The following PRSS56 variants were observed in gnomAD, a reference collection of about 807,000 sequenced individuals.
The protein encoded by PRSS56 is protease, serine 56.
Under a neutral mutation model 66.8 loss-of-function variants are expected in PRSS56, and 55 were observed. That is an observed-to-expected ratio of 0.82 (90% CI 0.66 to 1.03). The LOEUF (loss-of-function observed/expected upper bound fraction) is 1.03, where lower values mean the gene tolerates loss of function less well. Ranked by LOEUF, PRSS56 falls within the 50% of genes least tolerant of loss-of-function variation. PRSS56 has a pLI of 0.00. For synonymous variants in PRSS56, 409 were observed against 387.9 expected (o/e 1.05, Z -0.64); for missense variants, 869 against 837.2 (o/e 1.04, Z -0.47).
chr2:232,524,111 G>A lies in PRSS56; in HGVS notation c.1259G>A (p.Gly420Glu). Residue 420 changes from glycine (G) to glutamate (E), a missense_variant, in exon 10 of 13, where the codon GGA (glycine) becomes GAA (glutamate). Physicochemically the swap from Gly to Glu is moderately conservative, Grantham distance 98. Coordinates refer to ENST00000617714, the MANE Select transcript of PRSS56 (RefSeq NM_001195129.2). ...CAGGAGCTGCTCGGGCCTCGTCCGG[G>A]ACTGCGGCGCCTGGCCCCCGCCCTG... is the stretch of plus-strand genomic sequence containing the variant. Reference protein sequence around the residue: ...NAQELLGPRPGLRRLAPALAL... With the variant: ...NAQELLGPRPELRRLAPALAL... The A allele has an allele frequency of 3.3e-6, 5 of 1,515,554 alleles. No homozygotes were observed. Among genetic ancestry groups the A allele is most frequent in the Non-Finnish European group, 4.4e-6 (5 of 1,138,758 alleles). 93.9% of individuals were successfully genotyped at this position (1,515,554 alleles called of 1,614,324 possible).
At chr2:232,521,760 G>A (rs969747221) in intron 2 of PRSS56, 56 bp from the exon 3 acceptor site, 3 of 1,507,694 alleles carry the variant, frequency 2.0e-6, no homozygotes, top group Non-Finnish European at 1.8e-6. Context: ...GGCCCAGCCT[G>A]GGGTGAGGAC....
rs1360462999 is a variant in PRSS56, at chr2:232,521,875, GA to G, written c.256+13del. ...GGACCCACCTGAGCCAGGTGAGGTT[GA>G]AAAGGCTCGAGGGGGCAGGCCTGAG... On this transcript the variant is annotated intron_variant, in intron 3 of 12. Coordinates refer to ENST00000617714, the MANE Select transcript of PRSS56 (RefSeq NM_001195129.2). 6.5e-7 allele frequency: 1 copy of G among 1,535,290 alleles called. No homozygotes were observed. Among genetic ancestry groups the G allele is most frequent in the Non-Finnish European group, 8.7e-7 (1 of 1,146,366 alleles).
rs756602846 is a variant in PRSS56 at position 232,522,121 on chromosome 2, C to A, written c.407C>A (p.Ala136Glu). Reference protein sequence around the residue: ...GQPLCGGVLVAASWVLTAAHC... With the variant: ...GQPLCGGVLVEASWVLTAAHC... ...CCTCTGTGCGGCGGCGTCCTGGTAG[C>A]GGCCTCCTGGGTGCTCACGGCAGCG... Residue 136 changes from alanine (A) to glutamate (E), a missense_variant, in exon 4 of 13, where the codon GCG becomes GAG. Ala to Glu is a moderately radical substitution (Grantham distance 107, BLOSUM62 -1). Around this residue, in one of 3 missense-constraint regions of PRSS56, gnomAD observed 315 missense variants for 313.7 expected, o/e 1.00. Transcript: ENST00000617714. The A allele has an allele frequency of 7.2e-6, 11 of 1,517,612 alleles. No individual in the cohort carries two copies. The South Asian group carries it at 7.3e-5, about 10-fold the overall frequency. 94.0% of individuals were successfully genotyped at this position (1,517,612 alleles called of 1,614,324 possible). A position where few individuals can be genotyped will look rare whatever the true frequency, so the allele number is the denominator to read the frequency against.
intron 8 of PRSS56, 43 bp from the exon 9 acceptor site, chr2:232,523,729 C>A (rs1330186620): frequency 1.3e-6 from 2 of 1,533,250 alleles, no homozygotes; most frequent in Admixed American, 2.0e-5. Flanking sequence ...GGGGCTAGGG[C>A]CCCAAACAGA....
In PRSS56 at chr2:232,522,613, A is replaced by G; in HGVS notation, c.545A>G (p.Lys182Arg). The G allele has an allele frequency of 6.5e-7, 1 of 1,534,672 alleles. No homozygotes were observed. The highest frequency in any genetic ancestry group is 8.7e-7 in the Non-Finnish European group (1 of 1,146,216). ...GTGAACCGCATCCTGCCCCACCCCA[A>G]GGTGAGAAGGCAGTCCCCAGGCCCC... ...VPVNRILPHP[K>R]FDPRTFHNDL... is the part of the protein sequence containing the mutation. The change falls in exon 5 of 13, where the codon AAG becomes AGG. Residue 182 changes from lysine (K) to arginine (R), a missense_variant and splice_region_variant. Physicochemically the swap from Lys to Arg is conservative, Grantham distance 26. This residue lies in a region of PRSS56 where 315 missense variants were observed against 313.7 expected (regional missense o/e 1.00). Coordinates refer to ENST00000617714, the MANE Select transcript of PRSS56 (RefSeq NM_001195129.2).
In PRSS56 at chr2:232,523,898, G is replaced by A. The variant is rs2106202203; in HGVS notation, c.1139G>A (p.Cys380Tyr). ...ARLCPGSQGA[C>Y]ARLAHQQCLQ... Reference sequence around the variant, plus strand: ...CTGTGCCCGGGGTCCCAGGGCGCCTGTGCGCGCCTGGCGCACCAGCAGTGC... The same window carrying A: ...CTGTGCCCGGGGTCCCAGGGCGCCTATGCGCGCCTGGCGCACCAGCAGTGC... The change falls in exon 9 of 13, where the codon TGT (cysteine) becomes TAT (tyrosine). Residue 380 changes from cysteine to tyrosine, a missense_variant. By Grantham distance (194) the Cys-to-Tyr change is radical. This residue lies in a region of PRSS56 where 551 missense variants were observed against 506.9 expected (regional missense o/e 1.09). Coordinates refer to ENST00000617714, the MANE Select transcript of PRSS56 (RefSeq NM_001195129.2). 6.6e-7 allele frequency: 1 copy of A among 1,521,334 alleles called. No homozygotes were observed. Among genetic ancestry groups the A allele is most frequent in the South Asian group, 1.2e-5 (1 of 82,798 alleles). The allele number at this position is 1,521,334 out of a possible 1,614,324, so 94.2% of individuals were successfully genotyped here. A position where few individuals can be genotyped will look rare whatever the true frequency, so the allele number is the denominator to read the frequency against.
chr2:232,523,511 G>T lies in PRSS56; in HGVS notation c.945G>T (p.Glu315Asp). Residue 315 changes from glutamate to aspartate, a missense_variant, in exon 8 of 13, where the codon GAG becomes GAT. By Grantham distance (45) the Glu-to-Asp change is conservative. This residue lies in a region of PRSS56 where 551 missense variants were observed against 506.9 expected (regional missense o/e 1.09). Coordinates refer to ENST00000617714, the MANE Select transcript of PRSS56 (RefSeq NM_001195129.2). Reference protein sequence around the residue: ...GVTSWGDGCGEPGKPGVYTRV... With the variant: ...GVTSWGDGCGDPGKPGVYTRV... The stretch of plus-strand genomic sequence containing the variant: ...CCTCCTGGGGGGACGGCTGCGGGGA[G>T]CCAGGGAAGCCCGGGGTCTACACCC... 2 of 1,532,582 alleles carry T rather than the reference G, an allele frequency of 1.3e-6. No individual in the cohort carries two copies. Among genetic ancestry groups the T allele is most frequent in the Non-Finnish European group, 1.7e-6 (2 of 1,145,506 alleles). The allele number at this position is 1,532,582 out of a possible 1,614,324, so 94.9% of individuals were successfully genotyped here. A position where few individuals can be genotyped will look rare whatever the true frequency, so the allele number is the denominator to read the frequency against.
At chr2:232,520,741 G>A (rs1371917354) in intron 1 of PRSS56, 46 bp downstream of exon 1, 11 of 1,313,918 alleles carry the variant, frequency 8.4e-6, no homozygotes, top group Non-Finnish European at 1.2e-5. Flanking sequence ...GAGGAATGTA[G>A]AGGAAGTGGG....
In PRSS56 at chr2:232,525,549, C is replaced by T. The variant is rs1691413644; in HGVS notation, c.*43C>T. 2 of 1,416,584 alleles carry T rather than the reference C, an allele frequency of 1.4e-6. No homozygotes were observed. The highest frequency in any genetic ancestry group is 1.8e-6 in the Non-Finnish European group (2 of 1,085,928). 87.8% of individuals were successfully genotyped at this position (1,416,584 alleles called of 1,614,324 possible). ...AGCCCCTGGGGAGGACCTACTGCTC[C>T]CAGGGGCTGAGAGGGGTTCGGGAGC... On this transcript the variant is annotated 3_prime_UTR_variant, in exon 13 of 13. Coordinates refer to ENST00000617714, the MANE Select transcript of PRSS56 (RefSeq NM_001195129.2).
At chr2:232,521,919 A>G in intron 3 of PRSS56, 52 bp from the exon 4 acceptor site, 7 of 1,526,208 alleles carry the variant, frequency 4.6e-6, no homozygotes, top group Non-Finnish European at 6.1e-6. Flanking sequence ...TGGGCCTCGA[A>G]GGCGAGGATG....
rs1461549408 is a variant in PRSS56, at chr2:232,521,412, A to G, written c.189A>G (p.Arg63=). The G allele has an allele frequency of 6.5e-7, 1 of 1,535,976 alleles. No homozygotes were observed. The highest frequency in any genetic ancestry group is 8.7e-7 in the Non-Finnish European group (1 of 1,146,872). ...GAGTGGCGATGGAGATCCAGCACAG[A>G]TCGCACGAGTGCCGAGGTGCCCACC... is the stretch of plus-strand genomic sequence containing the variant. ...INRVAMEIQH[R]SHECRGSGRP... The change falls in exon 2 of 13, where the codon AGA becomes AGG. Residue 63 remains arginine (R), a synonymous_variant. Coordinates refer to ENST00000617714, the MANE Select transcript of PRSS56 (RefSeq NM_001195129.2).
intron 8 of PRSS56, 74 bp downstream of exon 8, chr2:232,523,652 G>T: frequency 6.6e-7 from 1 of 1,504,852 alleles, no homozygotes; most frequent in Non-Finnish European, 8.9e-7. Context: ...GTTTCCACCC[G>T]GCCCATGCCC....
intron 11 of PRSS56, 96 bp from the exon 12 acceptor site, chr2:232,524,642 C>T (rs945581711): frequency 4.7e-6 from 4 of 859,802 alleles, no homozygotes; most frequent in Admixed American, 5.3e-5. Flanking sequence ...ATAAGTGTGT[C>T]CCCTGGGAGG....
At chr2:232,522,437 C>T in intron 4 of PRSS56, 78 bp from the exon 5 acceptor site, 1 of 1,256,984 alleles carries the variant, frequency 8.0e-7, no homozygotes, top group Non-Finnish European at 1.1e-6. Context: ...GGCATGCGGG[C>T]GGAGGGGCAG....
rs978649515 is a variant in PRSS56, at chr2:232,525,281, G to C, written c.1587G>C (p.Leu529Phe). The change falls in exon 13 of 13, where the codon TTG (leucine) becomes TTC (phenylalanine). Residue 529 changes from leucine (L) to phenylalanine (F), a missense_variant. By Grantham distance (22) the Leu-to-Phe change is conservative. This residue lies in a region of PRSS56 where 551 missense variants were observed against 506.9 expected (regional missense o/e 1.09). Coordinates refer to ENST00000617714, the MANE Select transcript of PRSS56 (RefSeq NM_001195129.2). Reference sequence around the variant, plus strand: ...TCAGAGCCTGGGTGCGGGCAGGCTTGGGGGGCCGGCATGTGGCCTTCAGCG... The same window carrying C: ...TCAGAGCCTGGGTGCGGGCAGGCTTCGGGGGCCGGCATGTGGCCTTCAGCG... The part of the protein sequence containing the change: ...GLFRAWVRAG[L>F]GGRHVAFSGL... 9.9e-6 allele frequency: 15 copies of C among 1,521,666 alleles called. No individual in the cohort carries two copies. The highest frequency in any genetic ancestry group is 1.3e-5 in the Non-Finnish European group (15 of 1,138,190). 94.3% of individuals were successfully genotyped at this position (1,521,666 alleles called of 1,614,324 possible). A position where few individuals can be genotyped will look rare whatever the true frequency, so the allele number is the denominator to read the frequency against.
rs746358345 is a variant in PRSS56, at chr2:232,520,676, G to A, written c.78G>A (p.Leu26=). The change falls in exon 1 of 13, where the codon CTG becomes CTA. Residue 26 remains leucine (L), a synonymous_variant. Coordinates refer to ENST00000617714, the MANE Select transcript of PRSS56 (RefSeq NM_001195129.2). Reference sequence around the variant, plus strand: ...ACGGGCACCCACTGTACACACGCCTGCCCCCCAGCGCCCTGCAAGGTAAGT... The same window carrying A: ...ACGGGCACCCACTGTACACACGCCTACCCCCCAGCGCCCTGCAAGGTAAGT... ...FAHGHPLYTR[L]PPSALQVLSA... is the part of the protein sequence containing the mutation. The A allele has an allele frequency of 1.3e-6, 2 of 1,532,694 alleles. No individual in the cohort carries two copies. Among genetic ancestry groups the A allele is most frequent in the Middle Eastern group, 1.7e-4 (1 of 5,968 alleles). 94.9% of individuals were successfully genotyped at this position (1,532,694 alleles called of 1,614,324 possible). A position where few individuals can be genotyped will look rare whatever the true frequency, so the allele number is the denominator to read the frequency against.
intron 2 of PRSS56, 51 bp downstream of exon 2, chr2:232,521,479 C>T (rs1691275711): frequency 7.3e-7 from 1 of 1,378,442 alleles, no homozygotes; most frequent in Admixed American, 2.0e-5. Flanking sequence ...TACCCTGGGC[C>T]CATTCTGCTG....
In PRSS56 at chr2:232,523,799, G is replaced by A. The variant is rs1411152629; in HGVS notation, c.1040G>A (p.Arg347Lys). The change falls in exon 9 of 13, where the codon AGG becomes AAG. Residue 347 changes from arginine to lysine, a missense_variant. Arg to Lys is a conservative substitution (Grantham distance 26, BLOSUM62 2). Coordinates refer to ENST00000617714, the MANE Select transcript of PRSS56 (RefSeq NM_001195129.2). ...TCCTCCAGCCGCGAGCCCAGCTGCA[G>A]GGAGCTTCTGGCCTGGGACCCCCCC... The part of the protein sequence containing the change: ...SASSSREPSC[R>K]ELLAWDPPQE... The A allele has an allele frequency of 6.5e-6, 10 of 1,533,824 alleles. No homozygotes were observed. Among genetic ancestry groups the A allele is most frequent in the Non-Finnish European group, 8.7e-6 (10 of 1,146,686 alleles).
chr2:232,521,184 T>A, intron 1 of PRSS56, 137 bp from the exon 2 acceptor site: 1 of 649,074 alleles, frequency 1.5e-6, no homozygotes, highest in Non-Finnish European at 2.7e-6. Flanking sequence ...GGGCCCAGCG[T>A]CCCCGGGGCT....
Sources: gnomAD v4.1 joint callset for allele counts on GRCh38, gnomAD v4.1.1 for gene constraint, gnomAD v4.1.1 regional missense constraint, MANE v1.5 for transcripts, NCBI Gene and HGNC (gene_info 2026-07-23, HGNC 2026-07-21) for gene names.